The following LRRC4C variants were observed in gnomAD, a reference collection of about 807,000 sequenced individuals.
LRRC4C encodes the protein leucine-rich repeat-containing protein 4C.
LRRC4C carries 5 observed loss-of-function variants against 33.6 expected under a neutral mutation model. That is an observed-to-expected ratio of 0.15 (90% CI 0.08 to 0.31). LRRC4C has a LOEUF of 0.31. Ranked by LOEUF, LRRC4C falls within the 10% of genes least tolerant of loss-of-function variation. The pLI is 1.00. For synonymous variants in LRRC4C, 329 were observed against 302.0 expected, an observed-to-expected ratio of 1.09 and a Z score of -0.93; for missense variants, 560 against 796.7, an observed-to-expected ratio of 0.70 and a Z score of 3.58.
At chr11:40,122,580 C>T (rs1174852491) in intron 6 of LRRC4C, among the ~76,000 whole-genome samples, 2 of 152,124 alleles carry the variant, frequency 1.3e-5, no homozygotes, top group African/African-American at 2.4e-5. Flanking sequence ...CACAGCTCCA[C>T]TCACAGACAG....
At chr11:41,081,507 T>G (rs1312709016) in intron 1 of LRRC4C, among the ~76,000 whole-genome samples, 1 of 152,124 alleles carries the variant, frequency 6.6e-6, no homozygotes, top group Non-Finnish European at 1.5e-5. Context: ...CATTTCTGCC[T>G]GCTAAACTTC....
At chr11:40,453,735 T>C (rs1464955107) in intron 3 of LRRC4C, among the ~76,000 whole-genome samples, 1 of 152,034 alleles carries the variant, frequency 6.6e-6, no homozygotes, top group Non-Finnish European at 1.5e-5. Context: ...GCACATTATA[T>C]GACATGTTCA....
At chr11:41,090,092 G>A (rs536355677) in intron 1 of LRRC4C, among the ~76,000 whole-genome samples, 1 of 152,192 alleles carries the variant, frequency 6.6e-6, no homozygotes, top group African/African-American at 2.4e-5. Context: ...GAATAGTATT[G>A]AGTGATTGAA....
intron 2 of LRRC4C, among the ~76,000 whole-genome samples, chr11:40,720,285 T>C (rs1299264130): frequency 6.6e-6 from 1 of 152,244 alleles, no homozygotes; most frequent in East Asian, 1.9e-4. Context: ...AATATAGGCA[T>C]CTTTCTTTTA....
intron 1 of LRRC4C, among the ~76,000 whole-genome samples, chr11:41,110,967 G>A (rs968263092): frequency 6.6e-6 from 1 of 152,010 alleles, no homozygotes; most frequent in African/African-American, 2.4e-5. Context: ...TGTCTGAGTT[G>A]TAACCCAAGA....
intron 1 of LRRC4C, among the ~76,000 whole-genome samples, chr11:40,964,004 T>C (rs1851151566): frequency 6.6e-6 from 1 of 151,672 alleles, no homozygotes; most frequent in Non-Finnish European, 1.5e-5. Flanking sequence ...CTTGGATCAT[T>C]ATTTGACCTC....
At chr11:40,624,389 T>A (rs1268163787) in intron 3 of LRRC4C, among the ~76,000 whole-genome samples, 1 of 152,160 alleles carries the variant, frequency 6.6e-6, no homozygotes, top group Non-Finnish European at 1.5e-5. Flanking sequence ...AGTTATTTTC[T>A]GTAGCAGCCT....
At chr11:40,764,692 G>T (rs1025808950) in intron 2 of LRRC4C, among the ~76,000 whole-genome samples, 1 of 152,016 alleles carries the variant, frequency 6.6e-6, no homozygotes, top group Non-Finnish European at 1.5e-5. Context: ...GGTGGCCACA[G>T]GGGTGCTTGT....
At chr11:40,732,918 T>C (rs1191915590) in intron 2 of LRRC4C, among the ~76,000 whole-genome samples, 1 of 152,094 alleles carries the variant, frequency 6.6e-6, no homozygotes. Context: ...TTTAACTCTT[T>C]ACTATATGCT....
At chr11:41,400,904 A>C (rs1954001670) in intron 1 of LRRC4C, among the ~76,000 whole-genome samples, 2 of 151,900 alleles carry the variant, frequency 1.3e-5, no homozygotes, top group Non-Finnish European at 2.9e-5. Flanking sequence ...TGTTCCCATA[A>C]AATGCTGCTG....
intron 1 of LRRC4C, among the ~76,000 whole-genome samples, chr11:41,173,756 G>C (rs1458175795): frequency 6.6e-6 from 1 of 152,078 alleles, no homozygotes; most frequent in Non-Finnish European, 1.5e-5. Flanking sequence ...GAGACAGTTA[G>C]AAACTAAAGA....
intron 2 of LRRC4C, among the ~76,000 whole-genome samples, chr11:40,918,284 A>G (rs1325960687): frequency 1.3e-5 from 2 of 152,094 alleles, no homozygotes; most frequent in African/African-American, 4.8e-5. Flanking sequence ...AGTAATGCTA[A>G]TATGTGGGAT....
At chr11:41,350,019 A>C (rs1158141102) in intron 1 of LRRC4C, among the ~76,000 whole-genome samples, 1 of 152,176 alleles carries the variant, frequency 6.6e-6, no homozygotes, top group Admixed American at 6.5e-5. Flanking sequence ...TTCTGTAGTC[A>C]GTCTCTTGCA....
At chr11:40,981,449 A>G (rs1177377313) in intron 1 of LRRC4C, among the ~76,000 whole-genome samples, 3 of 152,068 alleles carry the variant, frequency 2.0e-5, no homozygotes, top group South Asian at 2.1e-4. Flanking sequence ...ACAAGCGTCT[A>G]TATTTGTTCC....
At chr11:41,151,445 G>T (rs973245469) in intron 1 of LRRC4C, among the ~76,000 whole-genome samples, 5 of 152,178 alleles carry the variant, frequency 3.3e-5, no homozygotes, top group Non-Finnish European at 7.3e-5. Flanking sequence ...GTGGGGAAGG[G>T]AATAGAATAC....
intron 3 of LRRC4C, among the ~76,000 whole-genome samples, chr11:40,454,672 C>A (rs576618284): frequency 1.3e-5 from 2 of 152,106 alleles, no homozygotes; most frequent in Admixed American, 6.6e-5. Flanking sequence ...AATACCTATG[C>A]CTTCTACATC....
chr11:40,200,180 T>TAAAAAAA (rs56269292), intron 5 of LRRC4C, among the ~76,000 whole-genome samples: 8 of 26,044 alleles, frequency 3.1e-4, no homozygotes, highest in Admixed American at 1.4e-3. Context: ...CTGTCTCCAC[T>TAAAAAAA]AAAAAAAAAA....
intron 1 of LRRC4C, among the ~76,000 whole-genome samples, chr11:41,124,323 T>A (rs1942628940): frequency 6.6e-6 from 1 of 152,196 alleles, no homozygotes; most frequent in African/African-American, 2.4e-5. Context: ...TAAAACCCCA[T>A]CTTCTGCCAC....
intron 1 of LRRC4C, among the ~76,000 whole-genome samples, chr11:41,428,019 G>C (rs542350875): frequency 6.6e-6 from 1 of 151,458 alleles, no homozygotes; most frequent in Non-Finnish European, 1.5e-5. Flanking sequence ...ATCTCCCTTC[G>C]CTGACTCTCT....
Sources: allele counts gnomAD v4.1 joint callset (sites outside exome capture counted in the v4.1 genomes callset), GRCh38; gene constraint gnomAD v4.1.1; transcripts MANE v1.5; gene names NCBI Gene and HGNC (gene_info 2026-07-23, HGNC 2026-07-21).